The following CNNM2 variants were observed in gnomAD, a reference collection of about 807,000 sequenced individuals.
CNNM2 encodes the protein cyclin and CBS domain divalent metal cation transport mediator 2.
A neutral mutation model predicts 66.9 loss-of-function variants in CNNM2; 12 were observed. The observed-to-expected ratio is 0.18, with a 90% CI of 0.11 to 0.29. The LOEUF is 0.29. Among genes scored for constraint, CNNM2 ranks in the 10% least tolerant of loss-of-function variants. The pLI is 1.00. For synonymous variants in CNNM2, 557 were observed against 501.8 expected (o/e 1.11, Z -1.47); for missense variants, 705 against 1,167.7 (o/e 0.60, Z 5.77).
chr10:103,075,726 G>A (rs1465074750), intron 6 of CNNM2, among the ~76,000 whole-genome samples: 1 of 152,178 alleles, frequency 6.6e-6, no homozygotes, highest in Admixed American at 6.5e-5. Flanking sequence ...GCCTACCTTT[G>A]ATATCAAGCA....
At chr10:102,963,432 C>T (rs937167595) in intron 1 of CNNM2, among the ~76,000 whole-genome samples, 15 of 152,128 alleles carry the variant, frequency 9.9e-5, no homozygotes, top group African/African-American at 3.6e-4. Context: ...CCTCCAGACA[C>T]CCAATATCAT....
chr10:103,013,278 T>C (rs2064380526), intron 1 of CNNM2, among the ~76,000 whole-genome samples: 3 of 152,204 alleles, frequency 2.0e-5, no homozygotes, highest in Non-Finnish European at 2.9e-5. Context: ...TGTTTTGTGA[T>C]TTATAAAATG....
At chr10:103,021,337 A>G (rs2064575446) in intron 1 of CNNM2, among the ~76,000 whole-genome samples, 1 of 152,162 alleles carries the variant, frequency 6.6e-6, no homozygotes, top group Non-Finnish European at 1.5e-5. Context: ...CCTCCCAGAG[A>G]AATGCGGCGC....
At chr10:103,018,980 ATT>A (rs2064512903) in intron 1 of CNNM2, among the ~76,000 whole-genome samples, 1 of 147,586 alleles carries the variant, frequency 6.8e-6, no homozygotes, top group Non-Finnish European at 1.5e-5. Flanking sequence ...TTAAAAGGAT[ATT>A]TACGGCCGGG....
chr10:103,013,257 CTT>C (rs1293860781), intron 1 of CNNM2, among the ~76,000 whole-genome samples: 1 of 152,048 alleles, frequency 6.6e-6, no homozygotes. Flanking sequence ...ATGTTAGTTC[CTT>C]TTTAAGTCTG....
At chr10:102,995,697 T>C (rs1037021313) in intron 1 of CNNM2, among the ~76,000 whole-genome samples, 4 of 151,804 alleles carry the variant, frequency 2.6e-5, no homozygotes, top group African/African-American at 9.7e-5. Flanking sequence ...GGGGTGGGGG[T>C]TGGAGAAAGA....
At chr10:103,073,287 A>G (rs1334368338) in intron 6 of CNNM2, among the ~76,000 whole-genome samples, 1 of 152,254 alleles carries the variant, frequency 6.6e-6, no homozygotes, top group Non-Finnish European at 1.5e-5. Context: ...AATCCTTCTC[A>G]GGAGAAAACA....
At chr10:103,074,662 C>T (rs2065658810) in intron 6 of CNNM2, among the ~76,000 whole-genome samples, 1 of 151,984 alleles carries the variant, frequency 6.6e-6, no homozygotes, top group Non-Finnish European at 1.5e-5. Context: ...GCAAAAACCC[C>T]ATCTATACCA....
Position 103,077,382 on chromosome 10 carries a change from G to A in CNNM2, c.*202G>A, listed in dbSNP as rs181577618. ...GGAAACGAGAGATGTGAAGTTGGCA[G>A]CCGGGGCATGGCGTTCAAGATTTTG... On this transcript the variant is annotated 3_prime_UTR_variant, in exon 8 of 8. Transcript: ENST00000369878. 1 of 543,366 alleles carries A rather than the reference G, an allele frequency of 1.8e-6. No individual in the cohort carries two copies. The highest frequency in any genetic ancestry group is 1.9e-5 in the African/African-American group (1 of 53,450). 33.7% of individuals were successfully genotyped at this position (543,366 alleles called of 1,614,324 possible).
chr10:102,958,424 A>G (rs1194928347), intron 1 of CNNM2, among the ~76,000 whole-genome samples: 1 of 132,842 alleles, frequency 7.5e-6, no homozygotes, highest in Non-Finnish European at 1.6e-5. Context: ...TAAACTGTTG[A>G]GTCTGAATTG....
intron 1 of CNNM2, among the ~76,000 whole-genome samples, chr10:102,973,565 C>T (rs2063580180): frequency 6.6e-6 from 1 of 151,726 alleles, no homozygotes; most frequent in African/African-American, 2.4e-5. Context: ...GTTGTGCCCC[C>T]AGGCTGGTCT....
Position 102,996,830 on chromosome 10 carries a change from C to T in CNNM2, c.1622-52877C>T, listed in dbSNP as rs994027725. 3.3e-5 allele frequency among the ~76,000 whole-genome samples: 5 copies of T among 152,214 alleles called. No individual in the cohort carries two copies. The South Asian group carries it at 6.2e-4, about 19-fold the overall frequency. ...TGTACAGCATTTATTTTCTCATGGC[C>T]TTTCTTCCACGAGATATTTGCCTTT... On this transcript the variant is annotated intron_variant, in intron 1 of 7. Transcript: ENST00000369878.
At chr10:103,043,117 G>T (rs1438091409) in intron 1 of CNNM2, among the ~76,000 whole-genome samples, 1 of 152,180 alleles carries the variant, frequency 6.6e-6, no homozygotes, top group Non-Finnish European at 1.5e-5. Context: ...GGTGCCCCCT[G>T]GAGTTGTGCA....
In CNNM2 at chr10:102,991,009, G is replaced by A. The variant is rs190750211; in HGVS notation, c.1622-58698G>A. On this transcript the variant is annotated intron_variant, in intron 1 of 7. Coordinates refer to ENST00000369878, the MANE Select transcript of CNNM2 (RefSeq NM_017649.5). The stretch of plus-strand genomic sequence containing the variant: ...TGTAGGAAATTTTATTTTATTTTGA[G>A]ACATTCTTGCTCTGTTGCCCAGGCT... Among the ~76,000 whole-genome samples, 3 of 152,174 alleles carry A rather than the reference G, an allele frequency of 2.0e-5. No homozygotes were observed. The East Asian group carries it at 5.8e-4, about 29-fold the overall frequency.
Position 102,919,812 on chromosome 10 carries a change from G to C in CNNM2, c.1332G>C (p.Lys444Asn), listed in dbSNP as rs1247901125. 6.2e-7 allele frequency: 1 copy of C among 1,614,110 alleles called. No homozygotes were observed. Among genetic ancestry groups the C allele is most frequent in the Non-Finnish European group, 8.5e-7 (1 of 1,180,044 alleles). The change falls in exon 1 of 8, where the codon AAG becomes AAC. Residue 444 changes from lysine (K) to asparagine (N), a missense_variant. Lys to Asn is a moderately conservative substitution (Grantham distance 94, BLOSUM62 0). Around this residue, in one of 9 missense-constraint regions of CNNM2, gnomAD observed 14 missense variants for 68.6 expected, o/e 0.20. Transcript: ENST00000369878. ...IIQGALELRT[K>N]TVEDVMTPLR... ...AAGGGGCGCTGGAGCTCCGCACCAAGACGGTGGAGGACGTGATGACCCCAC... is the reference window on the plus strand; with the variant it reads ...AAGGGGCGCTGGAGCTCCGCACCAACACGGTGGAGGACGTGATGACCCCAC...
chr10:102,975,297 A>G (rs2063608308), intron 1 of CNNM2, among the ~76,000 whole-genome samples: 1 of 152,166 alleles, frequency 6.6e-6, no homozygotes, highest in South Asian at 2.1e-4. Flanking sequence ...CTCATAATAT[A>G]CTATCATGAC....
intron 1 of CNNM2, among the ~76,000 whole-genome samples, chr10:103,008,916 A>G (rs1371037027): frequency 1.3e-5 from 2 of 152,140 alleles, no homozygotes; most frequent in Non-Finnish European, 2.9e-5. Context: ...TTATAATATG[A>G]GCTAAATGCC....
intron 1 of CNNM2, among the ~76,000 whole-genome samples, chr10:103,024,283 CA>C (rs976829201): frequency 6.6e-6 from 1 of 152,092 alleles, no homozygotes; most frequent in African/African-American, 2.4e-5. Context: ...CAATAAACCA[CA>C]ATATACCCAT....
At position 103,076,252 on chromosome 10, in the gene CNNM2, G is replaced by A. The variant is rs775113694; in HGVS notation, c.2400G>A (p.Ser800=). Residue 800 remains serine (S), a synonymous_variant, in exon 7 of 8, where the codon TCG becomes TCA. Transcript: ENST00000369878. ...YIPDYSVRAL[S]DLQFVKISRQ... ...CCGATTACTCGGTGCGAGCCCTTTC[G>A]GATCTGCAGTTTGTTAAGGTGAGAG... is the stretch of plus-strand genomic sequence containing the variant. 116 of 1,560,542 alleles carry A rather than the reference G, an allele frequency of 7.4e-5. No individual in the cohort carries two copies. Among genetic ancestry groups the A allele is most frequent in the Non-Finnish European group, 8.9e-5 (102 of 1,152,038 alleles).
Sources: gnomAD v4.1 joint callset for allele counts (sites outside exome capture counted in the v4.1 genomes callset) on GRCh38, gnomAD v4.1.1 for gene constraint, gnomAD v4.1.1 regional missense constraint, MANE v1.5 for transcripts, NCBI Gene and HGNC (gene_info 2026-07-23, HGNC 2026-07-21) for gene names.